The following RHOH variants were observed in gnomAD, a reference collection of about 807,000 sequenced individuals.
RHOH encodes the protein ras homolog family member H, also known as rho-related GTP-binding protein RhoH.
A neutral mutation model predicts 13.8 loss-of-function variants in RHOH; 6 were observed. That is an observed-to-expected ratio of 0.44 (90% CI 0.24 to 0.86). RHOH has a LOEUF of 0.86. Among genes scored for constraint, RHOH ranks in the 40% least tolerant of loss-of-function variants. The probability of loss-of-function intolerance (pLI) is 0.24; values close to 1 mark genes in which losing one functional copy is unlikely to be tolerated. For missense variants in RHOH, 147 were observed against 244.5 expected (o/e 0.60, Z 2.66); for synonymous variants, 117 against 103.0 (o/e 1.14, Z -0.82).
chr4:40,236,228 T>C (rs978311213), intron 1 of RHOH, among the ~76,000 whole-genome samples: 1 of 152,232 alleles, frequency 6.6e-6, no homozygotes, highest in Admixed American at 6.5e-5. Flanking sequence ...CCTCTGTGAT[T>C]GTGACATGAT....
intron 1 of RHOH, among the ~76,000 whole-genome samples, chr4:40,236,943 G>A (rs1005299820): frequency 1.3e-5 from 2 of 152,206 alleles, no homozygotes; most frequent in Non-Finnish European, 2.9e-5. Context: ...TGTCGAAACC[G>A]TGGAAATCTA....
At chr4:40,233,977 A>G (rs1472840646) in intron 1 of RHOH, among the ~76,000 whole-genome samples, 1 of 151,888 alleles carries the variant, frequency 6.6e-6, no homozygotes, top group East Asian at 1.9e-4. Flanking sequence ...AATAAAATGT[A>G]AAAACCATTC....
chr4:40,236,069 A>G (rs1003238998), intron 1 of RHOH, among the ~76,000 whole-genome samples: 1 of 151,950 alleles, frequency 6.6e-6, no homozygotes, highest in Non-Finnish European at 1.5e-5. Flanking sequence ...TTTGTTTGAG[A>G]TGCCTTGGAG....
chr4:40,244,027 C>A lies in RHOH; in HGVS notation c.*65C>A. 2 of 1,366,956 alleles carry A rather than the reference C, an allele frequency of 1.5e-6. No homozygotes were observed. Among genetic ancestry groups the A allele is most frequent in the Non-Finnish European group, 2.0e-6 (2 of 1,004,854 alleles). The allele number at this position is 1,366,956 out of a possible 1,614,324, so 84.7% of individuals were successfully genotyped here. A position where few individuals can be genotyped will look rare whatever the true frequency, so the allele number is the denominator to read the frequency against. On this transcript the variant is annotated 3_prime_UTR_variant, in exon 3 of 3. Transcript: ENST00000381799. Reference sequence around the variant, plus strand: ...AAAGACTAATGGGGAGAGGGAGGGCCGGGAAGCCAGGAAAGCTTGGTGTTT... The same window carrying A: ...AAAGACTAATGGGGAGAGGGAGGGCAGGGAAGCCAGGAAAGCTTGGTGTTT...
Position 40,243,386 on chromosome 4 carries a change from G to A in RHOH, c.-1G>A, listed in dbSNP as rs146170789. ...TCAGAGTAGGACAGCAGGCTGGGAA[G>A]ATGCTGAGTTCCATCAAGTGCGTGT... is the stretch of plus-strand genomic sequence containing the variant. On this transcript the variant is annotated 5_prime_UTR_variant, in exon 3 of 3. Coordinates refer to ENST00000381799, the MANE Select transcript of RHOH (RefSeq NM_004310.5). This position sits in a 1 kb window ranked among gnomAD's most constrained non-coding sequence, Gnocchi z 6.2. The A allele has an allele frequency of 1.7e-4, 273 of 1,576,406 alleles. 2 individuals carry two copies. In the African/African-American group the frequency reaches 3.2e-3, roughly 19 times the overall value.
At chr4:40,238,003 A>G (rs1174381216) in intron 1 of RHOH, among the ~76,000 whole-genome samples, 1 of 152,284 alleles carries the variant, frequency 6.6e-6, no homozygotes. Flanking sequence ...GTAAAAGTAC[A>G]AACGGAAATT....
chr4:40,194,642 TGGG>T (rs1426337876), upstream of RHOH, among the ~76,000 whole-genome samples: 1 of 152,124 alleles, frequency 6.6e-6, no homozygotes, highest in African/African-American at 2.4e-5. Context: ...TCCCAAAGTG[TGGG>T]GATTATAGGC....
upstream of RHOH, among the ~76,000 whole-genome samples, chr4:40,195,702 T>C (rs913737827): frequency 6.6e-6 from 1 of 152,028 alleles, no homozygotes; most frequent in Non-Finnish European, 1.5e-5. Flanking sequence ...CCGCTCAGCC[T>C]CCTAAAGTGC....
At chr4:40,191,461 G>A (rs181297208), upstream of RHOH, 1 of 152,308 alleles carries the variant, frequency 6.6e-6, no homozygotes, top group Non-Finnish European at 1.5e-5. Flanking sequence ...GGGTCTAAAT[G>A]CACTTTGACT....
At position 40,218,810 on chromosome 4, in the gene RHOH, G is replaced by A. The variant is rs1057471324; in HGVS notation, c.-331+21510G>A. Reference sequence around the variant, plus strand: ...GTGGCTAAATGGCGTAAGCAAGGTCGTGTCACTAGGAGTAGAGCTGGGATT... The same window carrying A: ...GTGGCTAAATGGCGTAAGCAAGGTCATGTCACTAGGAGTAGAGCTGGGATT... On this transcript the variant is annotated intron_variant, in intron 1 of 2. Transcript: ENST00000381799. This position sits in a 1 kb window ranked among gnomAD's most constrained non-coding sequence, Gnocchi z 4.1. 5.3e-5 allele frequency among the ~76,000 whole-genome samples: 8 copies of A among 152,214 alleles called. No homozygotes were observed. The highest frequency in any genetic ancestry group is 1.9e-4 in the African/African-American group (8 of 41,458).
At chr4:40,241,475 C>T (rs1334948874) in intron 1 of RHOH, among the ~76,000 whole-genome samples, 1 of 152,152 alleles carries the variant, frequency 6.6e-6, no homozygotes, top group African/African-American at 2.4e-5. Flanking sequence ...GCCAAGGTCA[C>T]CTGGCTTACA....
At chr4:40,203,252 G>A (rs1367721237) in intron 1 of RHOH, among the ~76,000 whole-genome samples, 2 of 152,192 alleles carry the variant, frequency 1.3e-5, no homozygotes, top group East Asian at 1.9e-4. Flanking sequence ...GATTACAGGC[G>A]TGAGCCACCG....
intron 1 of RHOH, among the ~76,000 whole-genome samples, chr4:40,231,362 C>CT (rs1727921820): frequency 8.0e-6 from 1 of 124,506 alleles, no homozygotes; most frequent in African/African-American, 3.1e-5. Flanking sequence ...TAGAAGAGAA[C>CT]ATGTTTCTAG....
chr4:40,219,170 G>T (rs1340223319), intron 1 of RHOH, among the ~76,000 whole-genome samples: 2 of 152,118 alleles, frequency 1.3e-5, no homozygotes, highest in Non-Finnish European at 2.9e-5. Flanking sequence ...CTAGCACTTT[G>T]GGAGGCCAAG....
chr4:40,239,813 G>A (rs1366945419), intron 1 of RHOH, among the ~76,000 whole-genome samples: 1 of 152,060 alleles, frequency 6.6e-6, no homozygotes, highest in African/African-American at 2.4e-5. Context: ...GGGAGTTGGA[G>A]GTTGCAGTGA....
intron 1 of RHOH, among the ~76,000 whole-genome samples, chr4:40,230,634 C>T (rs913837480): frequency 1.3e-5 from 2 of 151,770 alleles, no homozygotes; most frequent in Non-Finnish European, 1.5e-5. Context: ...GCTGGGATTA[C>T]AGACGTGAGC....
intron 1 of RHOH, among the ~76,000 whole-genome samples, chr4:40,222,323 C>T (rs1726685250): frequency 6.6e-6 from 1 of 152,196 alleles, no homozygotes; most frequent in African/African-American, 2.4e-5. Context: ...AGGACTTTCA[C>T]AGCTAGTAAG....
chr4:40,213,388 C>G (rs1328792125), intron 1 of RHOH, among the ~76,000 whole-genome samples: 1 of 150,536 alleles, frequency 6.6e-6, no homozygotes, highest in Admixed American at 6.6e-5. Flanking sequence ...CTCTCTCTCT[C>G]TCACACACAC....
In RHOH at chr4:40,210,363, A is replaced by C. The variant is rs1352041665; in HGVS notation, c.-331+13063A>C. Among the ~76,000 whole-genome samples, 3 of 152,096 alleles carry C rather than the reference A, an allele frequency of 2.0e-5. No homozygotes were observed. In the East Asian group the frequency reaches 5.8e-4, roughly 29 times the overall value. ...CAATGGCTCAATAAGACTGCCTGCC[A>C]TTTTGTTGTCTTTTGTCATGGCTGC... On this transcript the variant is annotated intron_variant, in intron 1 of 2. Coordinates refer to ENST00000381799, the MANE Select transcript of RHOH (RefSeq NM_004310.5).
Sources: allele counts gnomAD v4.1 joint callset (sites outside exome capture counted in the v4.1 genomes callset), GRCh38; gene constraint gnomAD v4.1.1; non-coding constraint Gnocchi (gnomAD v3.1); transcripts MANE v1.5; gene names NCBI Gene and HGNC (gene_info 2026-07-23, HGNC 2026-07-21).